Variants in TMEM132C observed in about 807,000 individuals in gnomAD.
The protein encoded by TMEM132C is protein phosphatase 1, regulatory subunit 152.
A neutral mutation model predicts 61.4 loss-of-function variants in TMEM132C; 29 were observed. The ratio of observed to expected loss-of-function variants is 0.47; its 90% CI spans 0.35 to 0.64. The LOEUF (loss-of-function observed/expected upper bound fraction) is 0.64. TMEM132C is among the 30% of genes least tolerant of loss of function. The pLI, the probability that TMEM132C is intolerant of heterozygous loss-of-function variation, is 0.00. For missense variants in TMEM132C, 1,408 were observed against 1,476.9 expected (o/e 0.95, Z 0.76); for synonymous variants, 656 against 633.1 (o/e 1.04, Z -0.54).
Position 128,425,759 on chromosome 12 carries a change from G to A in TMEM132C, c.974+10139G>A, listed in dbSNP as rs1449069589. ...CCACATCTCTCCAACGCCTGCCCCT[G>A]TCTTCGTGTGAATTTTCCCTCTGTG... On this transcript the variant is annotated intron_variant, in intron 2 of 8. Transcript: ENST00000435159. 2.6e-5 allele frequency among the ~76,000 whole-genome samples: 4 copies of A among 152,274 alleles called. No individual in the cohort carries two copies. The East Asian group carries it at 5.8e-4, about 22-fold the overall frequency.
chr12:128,598,306 C>T (rs539482320), intron 3 of TMEM132C, among the ~76,000 whole-genome samples: 2 of 152,244 alleles, frequency 1.3e-5, no homozygotes, highest in East Asian at 3.9e-4. Flanking sequence ...TGTGGTGGCA[C>T]ACACCTGTAA....
intron 2 of TMEM132C, among the ~76,000 whole-genome samples, chr12:128,462,473 G>A (rs773771723): frequency 2.7e-4 from 41 of 152,208 alleles, no homozygotes; most frequent in Admixed American, 1.4e-3. Context: ...TTTCCCTTGC[G>A]TTCTTGTGTA....
chr12:128,545,685 T>C (rs972535108), intron 3 of TMEM132C, among the ~76,000 whole-genome samples: 23 of 152,372 alleles, frequency 1.5e-4, no homozygotes, highest in African/African-American at 5.5e-4. Context: ...ATTGTGGTTT[T>C]GATTTACATT....
At chr12:128,551,345 C>G (rs77670982) in intron 3 of TMEM132C, among the ~76,000 whole-genome samples, 3,893 of 152,148 alleles carry the variant, frequency 0.026, 187 homozygotes, top group African/African-American at 0.089. Context: ...TCTGAAAGAC[C>G]AGGGTTGTTA....
At chr12:128,427,420 G>A (rs2102852) in intron 2 of TMEM132C, among the ~76,000 whole-genome samples, 41,845 of 142,976 alleles carry the variant, frequency 0.29, 6,323 homozygotes, top group Non-Finnish European at 0.32. Flanking sequence ...GTGTGTGTGT[G>A]TGTGTGTGTA....
chr12:128,336,260 A>G (rs1045079828), intron 1 of TMEM132C, among the ~76,000 whole-genome samples: 1 of 152,268 alleles, frequency 6.6e-6, no homozygotes, highest in Non-Finnish European at 1.5e-5. Flanking sequence ...ATGCATGCCT[A>G]TAATACTACA....
At chr12:128,444,211 C>T (rs151081341) in intron 2 of TMEM132C, among the ~76,000 whole-genome samples, 93 of 152,322 alleles carry the variant, frequency 6.1e-4, no homozygotes, top group African/African-American at 2.0e-3. Context: ...GGAGCCACCG[C>T]GCCCAGCCCG....
chr12:128,393,100 T>C (rs1429196300), intron 1 of TMEM132C, among the ~76,000 whole-genome samples: 1 of 152,254 alleles, frequency 6.6e-6, no homozygotes, highest in East Asian at 1.9e-4. Context: ...GGCATGCAAC[T>C]TGTCCTAAGC....
At position 128,340,904 on chromosome 12, in the gene TMEM132C, TTCTCTCTCTCTTTCTCTCTC is replaced by T. The variant is rs1248067088; in HGVS notation, c.85+73429_85+73448del. 1.0e-3 allele frequency among the ~76,000 whole-genome samples: 122 copies of T among 122,456 alleles called. 1 individual carries two copies. The highest frequency in any genetic ancestry group is 4.5e-3 in the African/African-American group (119 of 26,740). The allele number at this position is 122,456 out of a possible 152,430, so 80.3% of individuals were successfully genotyped here. ...TTTTTCTTTTTCTTTCTTTCTCTCT[TTCTCTCTCTCTTTCTCTCTC>T]TCTCTCTCTCTCTCTCTCTCTTTCT... is the stretch of plus-strand genomic sequence containing the variant. On this transcript the variant is annotated intron_variant, in intron 1 of 8. Transcript: ENST00000435159.
chr12:128,272,135 G>GTAT (rs1870543589), intron 1 of TMEM132C, among the ~76,000 whole-genome samples: 1 of 152,172 alleles, frequency 6.6e-6, no homozygotes, highest in Non-Finnish European at 1.5e-5. Context: ...TAGGATTGCG[G>GTAT]TATAGAACGT....
At chr12:128,336,316 A>G (rs577184322) in intron 1 of TMEM132C, among the ~76,000 whole-genome samples, 2 of 152,228 alleles carry the variant, frequency 1.3e-5, no homozygotes, top group Non-Finnish European at 2.9e-5. Flanking sequence ...ATTTATATAC[A>G]TGGTCATTAT....
intron 1 of TMEM132C, among the ~76,000 whole-genome samples, chr12:128,309,296 C>T (rs1427005747): frequency 5.9e-5 from 9 of 152,298 alleles, no homozygotes; most frequent in Admixed American, 4.6e-4. Flanking sequence ...GCTATTCTTA[C>T]GGATCCTCAG....
chr12:128,337,671 C>T (rs909422358), intron 1 of TMEM132C, among the ~76,000 whole-genome samples: 1 of 152,162 alleles, frequency 6.6e-6, no homozygotes, highest in Non-Finnish European at 1.5e-5. Context: ...AGGTTCGTCC[C>T]CTTGCTCCTA....
chr12:128,406,219 C>T (rs983621626), intron 1 of TMEM132C, among the ~76,000 whole-genome samples: 4 of 152,164 alleles, frequency 2.6e-5, no homozygotes, highest in Non-Finnish European at 5.9e-5. Context: ...TCTACATTTT[C>T]CCTCATTGTA....
intron 2 of TMEM132C, among the ~76,000 whole-genome samples, chr12:128,528,639 G>A (rs184223862): frequency 6.6e-6 from 1 of 152,278 alleles, no homozygotes; most frequent in Non-Finnish European, 1.5e-5. Flanking sequence ...ACTGTCCTGT[G>A]TATTGTAGGT....
intron 3 of TMEM132C, among the ~76,000 whole-genome samples, chr12:128,592,059 GAA>G (rs55727528): frequency 2.4e-5 from 3 of 125,478 alleles, no homozygotes; most frequent in African/African-American, 9.0e-5. Context: ...AAAAAAAAAA[GAA>G]AAAAAAAAAA....
intron 2 of TMEM132C, among the ~76,000 whole-genome samples, chr12:128,480,583 C>T (rs1421787858): frequency 6.6e-6 from 1 of 152,166 alleles, no homozygotes; most frequent in Admixed American, 6.5e-5. Context: ...GCTGCAGCAC[C>T]CCGGGGCCTT....
chr12:128,285,561 T>C (rs902983907), intron 1 of TMEM132C, among the ~76,000 whole-genome samples: 2 of 152,000 alleles, frequency 1.3e-5, no homozygotes, highest in Non-Finnish European at 2.9e-5. Context: ...CAAGGAAAGA[T>C]TGACTAAAAG....
intron 1 of TMEM132C, among the ~76,000 whole-genome samples, chr12:128,359,023 A>G (rs1193854588): frequency 1.3e-5 from 2 of 152,186 alleles, no homozygotes; most frequent in African/African-American, 4.8e-5. Context: ...TCCCAGCAGC[A>G]AGAGAGGTAA....
Sources: allele counts gnomAD v4.1 joint callset (sites outside exome capture counted in the v4.1 genomes callset), GRCh38; gene constraint gnomAD v4.1.1; transcripts MANE v1.5; gene names NCBI Gene and HGNC (gene_info 2026-07-23, HGNC 2026-07-21).